The following TYW1B variants were observed in gnomAD, a reference collection of about 807,000 sequenced individuals.
The protein encoded by TYW1B is S-adenosyl-L-methionine-dependent tRNA 4-demethylwyosine synthase TYW1B.
In TYW1B, 73 loss-of-function variants were observed where a neutral mutation model predicts 86.9. That is an observed-to-expected ratio of 0.84 (90% CI 0.70 to 1.02). The LOEUF is 1.02. Among genes scored for constraint, TYW1B ranks in the 50% least tolerant of loss-of-function variants. The pLI is 0.00. For synonymous variants in TYW1B, 248 were observed against 292.8 expected (o/e 0.85, Z 1.56); for missense variants, 637 against 827.4 (o/e 0.77, Z 2.82).
chr7:72,613,929 T>C (rs1811999990), intron 13 of TYW1B, among the ~76,000 whole-genome samples: 4 of 146,046 alleles, frequency 2.7e-5, no homozygotes. Context: ...CTGAAACATT[T>C]AGGGCAAAGG....
chr7:72,594,801 C>T (rs1811488296), intron 13 of TYW1B, among the ~76,000 whole-genome samples: 1 of 152,056 alleles, frequency 6.6e-6, no homozygotes, highest in Admixed American at 6.6e-5. Context: ...AATTATATGC[C>T]CTGGACAAGT....
chr7:72,798,076 G>A (rs1229045572), intron 6 of TYW1B, among the ~76,000 whole-genome samples: 2 of 151,778 alleles, frequency 1.3e-5, no homozygotes, highest in African/African-American at 4.8e-5. Context: ...AACTAAGTTT[G>A]CAAATATAAA....
intron 13 of TYW1B, among the ~76,000 whole-genome samples, chr7:72,580,068 A>G (rs1212182477): frequency 1.3e-5 from 2 of 152,126 alleles, no homozygotes; most frequent in East Asian, 1.9e-4. Flanking sequence ...CACACTGGGA[A>G]TTAGGACCTC....
chr7:72,721,607 C>G (rs1786902694), intron 9 of TYW1B, among the ~76,000 whole-genome samples: 1 of 148,318 alleles, frequency 6.7e-6, no homozygotes, highest in African/African-American at 2.5e-5. Flanking sequence ...ATCTCACACT[C>G]ACACACACAC....
At chr7:72,612,570 G>A (rs1176598996) in intron 13 of TYW1B, among the ~76,000 whole-genome samples, 2 of 152,094 alleles carry the variant, frequency 1.3e-5, no homozygotes, top group Non-Finnish European at 2.9e-5. Flanking sequence ...GAAGAACTGG[G>A]TCAAAGTAGT....
intron 13 of TYW1B, among the ~76,000 whole-genome samples, chr7:72,589,715 A>G (rs1554431086): frequency 6.6e-6 from 1 of 152,176 alleles, no homozygotes; most frequent in Non-Finnish European, 1.5e-5. Context: ...CATCTCTACT[A>G]AAAATGCAAA....
At chr7:72,802,732 T>C (rs1307085008) in intron 5 of TYW1B, among the ~76,000 whole-genome samples, 2 of 152,084 alleles carry the variant, frequency 1.3e-5, no homozygotes, top group Non-Finnish European at 2.9e-5. Context: ...GCGATTCTCC[T>C]GCCTCAGCCT....
intron 12 of TYW1B, among the ~76,000 whole-genome samples, chr7:72,622,926 G>A (rs555020451): frequency 2.0e-4 from 30 of 152,138 alleles, no homozygotes; most frequent in Admixed American, 1.1e-3. Context: ...ATTTACAGTC[G>A]CCCTTCCTGA....
At chr7:72,785,009 G>A (rs1223751928) in intron 6 of TYW1B, among the ~76,000 whole-genome samples, 15 of 151,434 alleles carry the variant, frequency 9.9e-5, no homozygotes, top group Admixed American at 6.6e-4. Context: ...TCAACTCTAG[G>A]CACACCAAAC....
chr7:72,793,738 G>C (rs1218075073), intron 6 of TYW1B, among the ~76,000 whole-genome samples: 19 of 143,482 alleles, frequency 1.3e-4, no homozygotes, highest in African/African-American at 4.9e-4. Flanking sequence ...CTTGGCGACA[G>C]AACGAGACTC....
At chr7:72,822,052 A>C (rs7787410) in intron 2 of TYW1B, among the ~76,000 whole-genome samples, 20,864 of 151,024 alleles carry the variant, frequency 0.14, 2,754 homozygotes, top group East Asian at 0.33. Context: ...TTGAGACCAG[A>C]CTGGCCAACA....
chr7:72,667,146 A>C (rs1266078992), intron 11 of TYW1B, among the ~76,000 whole-genome samples: 3 of 152,090 alleles, frequency 2.0e-5, no homozygotes, highest in African/African-American at 7.2e-5. Context: ...AAACAAAAAA[A>C]CAAGATTCAC....
chr7:72,781,298 T>C (rs1474987624), intron 6 of TYW1B, among the ~76,000 whole-genome samples: 1 of 152,070 alleles, frequency 6.6e-6, no homozygotes, highest in Non-Finnish European at 1.5e-5. Context: ...AGCCTCGGCA[T>C]CACCTCAGGG....
intron 9 of TYW1B, among the ~76,000 whole-genome samples, chr7:72,719,138 A>T (rs3015847): frequency 2.6e-5 from 4 of 151,804 alleles, no homozygotes; most frequent in Non-Finnish European, 4.4e-5. Flanking sequence ...ACTGAAAAAT[A>T]AATTCAATTA....
At chr7:72,606,739 C>A (rs1563027699) in intron 13 of TYW1B, among the ~76,000 whole-genome samples, 1 of 151,484 alleles carries the variant, frequency 6.6e-6, no homozygotes, top group Admixed American at 6.6e-5. Context: ...CTCTACTTGG[C>A]AGTAACAAGG....
intron 12 of TYW1B, among the ~76,000 whole-genome samples, chr7:72,621,973 C>A (rs551798768): frequency 6.6e-6 from 1 of 152,238 alleles, no homozygotes; most frequent in Non-Finnish European, 1.5e-5. Flanking sequence ...TTGAGCACTA[C>A]ACACAGCTAG....
rs189839066 is a variant in TYW1B at position 72,704,300 on chromosome 7, G to A, written c.1370+9321C>T. On this transcript the variant is annotated intron_variant, in intron 10 of 13. Transcript: ENST00000620995. ...AAGACAAAAATTAGCTGGGCATGGT[G>A]GTGCATGCCTGTAATCCCAGATACT... is the stretch of plus-strand genomic sequence containing the variant. Among the ~76,000 whole-genome samples, 410 of 151,924 alleles carry A rather than the reference G, an allele frequency of 2.7e-3. 1 individual carries two copies. Among genetic ancestry groups the A allele is most frequent in the African/African-American group, 8.9e-3 (369 of 41,414 alleles).
intron 7 of TYW1B, 97 bp downstream of exon 7, chr7:72,777,319 C>G: frequency 7.0e-7 from 1 of 1,419,840 alleles, no homozygotes; most frequent in Non-Finnish European, 9.7e-7. Context: ...CCACTATGAA[C>G]AGCTGCTGAG....
intron 7 of TYW1B, among the ~76,000 whole-genome samples, chr7:72,761,604 T>C (rs778947400): frequency 7.1e-6 from 1 of 141,522 alleles, no homozygotes; most frequent in African/African-American, 2.6e-5. Flanking sequence ...AAAAAAAAAA[T>C]TAAAGTTTTT....
Sources: gnomAD v4.1 joint callset for allele counts (sites outside exome capture counted in the v4.1 genomes callset) on GRCh38, gnomAD v4.1.1 for gene constraint, MANE v1.5 for transcripts, NCBI Gene and HGNC (gene_info 2026-07-23, HGNC 2026-07-21) for gene names.